Variants in ZNF143 observed in about 807,000 individuals in gnomAD.
The protein encoded by ZNF143 is zinc finger protein 143, also known as SPH-binding factor.
A neutral mutation model predicts 74.1 loss-of-function variants in ZNF143; 49 were observed. The observed-to-expected ratio is 0.66, with a 90% confidence interval of 0.53 to 0.84. ZNF143 has a LOEUF of 0.84. ZNF143 is among the 40% of genes least tolerant of loss of function. The pLI is 0.00. For synonymous variants in ZNF143, 304 were observed against 282.8 expected (o/e 1.07, Z -0.75); for missense variants, 637 against 793.4 (o/e 0.80, Z 2.37).
At chr11:9,472,173 C>T (rs1341235535) in intron 2 of ZNF143, among the ~76,000 whole-genome samples, 1 of 151,910 alleles carries the variant, frequency 6.6e-6, no homozygotes, top group East Asian at 1.9e-4. Flanking sequence ...AAGCCATCCA[C>T]CCACCTCAGC....
chr11:9,484,799 G>GTTTTTTTTTTTTTTTTT (rs1316309780), intron 7 of ZNF143, among the ~76,000 whole-genome samples: 9 of 24,234 alleles, frequency 3.7e-4, no homozygotes, highest in Non-Finnish European at 4.2e-4. Flanking sequence ...CCTGGCCAAA[G>GTTTTTTTTTTTTTTTTT]ATTTTTTTTT....
chr11:9,525,748 C>A (rs1849103502), intron 15 of ZNF143, among the ~76,000 whole-genome samples: 1 of 152,120 alleles, frequency 6.6e-6, no homozygotes, highest in Non-Finnish European at 1.5e-5. Flanking sequence ...AACACAAATC[C>A]TAAATAAGTC....
intron 7 of ZNF143, 87 bp downstream of exon 7, chr11:9,479,633 A>C (rs1311147217): frequency 8.5e-6 from 9 of 1,054,400 alleles, no homozygotes; most frequent in Non-Finnish European, 1.3e-5. Flanking sequence ...GTAACTCACT[A>C]CCTCTCTAGG....
chr11:9,509,126 G>A (rs908621204), intron 12 of ZNF143, among the ~76,000 whole-genome samples: 1 of 152,118 alleles, frequency 6.6e-6, no homozygotes, highest in Non-Finnish European at 1.5e-5. Context: ...TGCTGGGAAG[G>A]GAAGCAGGAA....
At chr11:9,527,224 C>A (rs1208006459) in intron 15 of ZNF143, among the ~76,000 whole-genome samples, 1 of 152,148 alleles carries the variant, frequency 6.6e-6, no homozygotes, top group African/African-American at 2.4e-5. Flanking sequence ...TGCCTGCCTC[C>A]ACCTCCCAAA....
At chr11:9,468,757 A>T (rs1590495898) in intron 1 of ZNF143, among the ~76,000 whole-genome samples, 1 of 152,156 alleles carries the variant, frequency 6.6e-6, no homozygotes, top group Non-Finnish European at 1.5e-5. Context: ...AGGCAGGAGG[A>T]TCACATGAGC....
intron 3 of ZNF143, 94 bp downstream of exon 3, chr11:9,472,863 C>G (rs1856664715): frequency 2.6e-6 from 2 of 755,150 alleles, no homozygotes; most frequent in Non-Finnish European, 4.0e-6. Flanking sequence ...TCCTATGTCT[C>G]CTAAAGATGC....
At chr11:9,484,926 T>C (rs1023601897) in intron 7 of ZNF143, among the ~76,000 whole-genome samples, 19 of 148,846 alleles carry the variant, frequency 1.3e-4, no homozygotes, top group Non-Finnish European at 1.8e-4. Context: ...GCCTCCTGCA[T>C]AGCTGGGACT....
intron 7 of ZNF143, among the ~76,000 whole-genome samples, chr11:9,492,033 C>T (rs906947669): frequency 1.3e-5 from 2 of 152,078 alleles, no homozygotes; most frequent in Non-Finnish European, 2.9e-5. Context: ...CAACCTCTGC[C>T]TCCTGTGTTC....
At chr11:9,475,436 T>C (rs1856819551) in intron 5 of ZNF143, among the ~76,000 whole-genome samples, 1 of 152,044 alleles carries the variant, frequency 6.6e-6, no homozygotes, top group Non-Finnish European at 1.5e-5. Flanking sequence ...ATTTTTAAAT[T>C]TTTATTTTCT....
At position 9,494,269 on chromosome 11, in the gene ZNF143, G is replaced by GA. The variant is rs565293220; in HGVS notation, c.646-373dup. On this transcript the variant is annotated intron_variant, in intron 7 of 15. Coordinates refer to ENST00000396602, the MANE Select transcript of ZNF143 (RefSeq NM_003442.6). ...ATAACAGTTTTGTCTTTTTAATTCT[G>GA]AAAATCATAATTTATCTGTTTTATT... Among the ~76,000 whole-genome samples the GA allele has an allele frequency of 2.3e-3, 350 of 152,224 alleles. 7 individuals are homozygous for GA. The highest frequency in any genetic ancestry group is 7.8e-3 in the African/African-American group (326 of 41,554).
chr11:9,501,014 G>C, intron 10 of ZNF143, 77 bp from the exon 11 acceptor site: 1 of 1,539,952 alleles, frequency 6.5e-7, no homozygotes, highest in Non-Finnish European at 8.9e-7. Context: ...ATAATCCTAG[G>C]CAGGATTGAA....
At chr11:9,472,065 A>G (rs1856608606) in intron 2 of ZNF143, among the ~76,000 whole-genome samples, 1 of 150,420 alleles carries the variant, frequency 6.6e-6, no homozygotes, top group South Asian at 2.1e-4. Context: ...AGTAGCTGAG[A>G]CTACAGGCAC....
Position 9,497,748 on chromosome 11 carries a change from T to A in ZNF143, c.915T>A (p.Thr305=). The change falls in exon 10 of 16, where the codon ACT becomes ACA. Residue 305 remains threonine, a synonymous_variant. Transcript: ENST00000396602. ...KPYRCSEDNC[T]KSFKTSGDLQ... is the part of the protein sequence containing the mutation. ...ATCGGTGTTCGGAAGATAATTGTAC[T>A]AAATCTTTCAAAACTTCAGGAGATC... is the stretch of plus-strand genomic sequence containing the variant. 6.2e-7 allele frequency: 1 copy of A among 1,607,058 alleles called. No homozygotes were observed. The highest frequency in any genetic ancestry group is 8.5e-7 in the Non-Finnish European group (1 of 1,175,140).
At chr11:9,474,726 G>A in intron 5 of ZNF143, 93 bp downstream of exon 5, 3 of 1,239,116 alleles carry the variant, frequency 2.4e-6, no homozygotes, top group South Asian at 1.3e-5. Flanking sequence ...TTGTTGTCAT[G>A]GGAAAGAATT....
intron 9 of ZNF143, 50 bp from the exon 10 acceptor site, chr11:9,497,625 T>C: frequency 1.4e-6 from 2 of 1,420,448 alleles, no homozygotes; most frequent in East Asian, 4.7e-5. Flanking sequence ...TCAGTGTGCA[T>C]GTTTAGAGCA....
chr11:9,480,626 C>G (rs1351914112), intron 7 of ZNF143, among the ~76,000 whole-genome samples: 1 of 152,134 alleles, frequency 6.6e-6, no homozygotes, highest in Non-Finnish European at 1.5e-5. Context: ...TGGCTCATGC[C>G]TGTAATCCCA....
At chr11:9,482,266 G>A (rs1419901880) in intron 7 of ZNF143, among the ~76,000 whole-genome samples, 2 of 138,216 alleles carry the variant, frequency 1.4e-5, no homozygotes, top group African/African-American at 2.8e-5. Flanking sequence ...TACTGTACCC[G>A]GCCCCAACTC....
intron 10 of ZNF143, among the ~76,000 whole-genome samples, chr11:9,498,838 C>T (rs1848058384): frequency 6.6e-6 from 1 of 152,150 alleles, no homozygotes; most frequent in Non-Finnish European, 1.5e-5. Context: ...TAGCTAATTT[C>T]CATGTAGGAT....
Sources: allele counts gnomAD v4.1 joint callset (sites outside exome capture counted in the v4.1 genomes callset), GRCh38; gene constraint gnomAD v4.1.1; transcripts MANE v1.5; gene names NCBI Gene and HGNC (gene_info 2026-07-23, HGNC 2026-07-21).